Variants in ALK observed in about 807,000 individuals in gnomAD.
The protein encoded by ALK is ALK receptor tyrosine kinase, also known as ALK tyrosine kinase receptor.
In ALK, 74 loss-of-function variants were observed where a neutral mutation model predicts 163.1. The observed-to-expected ratio is 0.45, with a 90% CI of 0.38 to 0.55. ALK has a LOEUF of 0.55. ALK is among the 20% of genes least tolerant of loss of function. ALK has a pLI of 0.00. For synonymous variants in ALK, 960 were observed against 843.2 expected, an observed-to-expected ratio of 1.14 and a Z score of -2.40; for missense variants, 2,063 against 2,105.3, an observed-to-expected ratio of 0.98 and a Z score of 0.39.
At chr2:29,253,847 GATAGATAGAT>G (rs1440488385) in intron 11 of ALK, among the ~76,000 whole-genome samples, 1 of 35,178 alleles carries the variant, frequency 2.8e-5, no homozygotes, top group African/African-American at 1.5e-4. Flanking sequence ...ATCTATATTA[GATAGATAGAT>G]AGATAGATAG....
intron 3 of ALK, among the ~76,000 whole-genome samples, chr2:29,603,766 T>G (rs185151665): frequency 1.3e-5 from 2 of 152,190 alleles, no homozygotes; most frequent in East Asian, 3.8e-4. Context: ...AGGTCAGTGA[T>G]GAAGGATAGA....
intron 4 of ALK, among the ~76,000 whole-genome samples, chr2:29,429,678 T>C (rs1277588033): frequency 2.6e-5 from 4 of 152,100 alleles, no homozygotes. Context: ...AGATTAAATA[T>C]AATCCCTATC....
At chr2:29,594,730 T>C (rs1675155091) in intron 3 of ALK, among the ~76,000 whole-genome samples, 1 of 151,820 alleles carries the variant, frequency 6.6e-6, no homozygotes, top group African/African-American at 2.4e-5. Context: ...CCCAGCCAAG[T>C]CTCCTCACTT....
chr2:29,499,441 C>T (rs1266571510), intron 4 of ALK, among the ~76,000 whole-genome samples: 1 of 152,182 alleles, frequency 6.6e-6, no homozygotes, highest in African/African-American at 2.4e-5. Flanking sequence ...AGTGATCCAC[C>T]TGCCTTGGCC....
rs374091521 is a variant in ALK, at chr2:29,670,531, T to C, written c.952+24319A>G. ...GGGTTGATTCTGGTGTTCATAGACC[T>C]TGGATTTGTATATTTCCCAAGTTTG... is the stretch of plus-strand genomic sequence containing the variant. On this transcript the variant is annotated intron_variant, in intron 3 of 28. Coordinates refer to ENST00000389048, the MANE Select transcript of ALK (RefSeq NM_004304.5). Among the ~76,000 whole-genome samples, 8 of 152,178 alleles carry C rather than the reference T, an allele frequency of 5.3e-5. No homozygotes were observed. The East Asian group carries it at 1.4e-3, about 26-fold the overall frequency.
chr2:29,673,593 G>T (rs1194443544), intron 3 of ALK, among the ~76,000 whole-genome samples: 1 of 142,964 alleles, frequency 7.0e-6, no homozygotes, highest in African/African-American at 2.7e-5. Flanking sequence ...TTGTAGTATA[G>T]TTTGAAGTCA....
At chr2:29,325,631 T>C (rs1358500805) in intron 6 of ALK, among the ~76,000 whole-genome samples, 1 of 152,192 alleles carries the variant, frequency 6.6e-6, no homozygotes, top group Non-Finnish European at 1.5e-5. Flanking sequence ...GAAACAGAGT[T>C]TACCCTGCAG....
At chr2:29,593,020 C>T (rs1675105252) in intron 3 of ALK, among the ~76,000 whole-genome samples, 1 of 152,166 alleles carries the variant, frequency 6.6e-6, no homozygotes, top group South Asian at 2.1e-4. Context: ...TGTGGCAGCC[C>T]TAAGAAACTA....
At chr2:29,208,769 A>G (rs1669382763) in intron 25 of ALK, among the ~76,000 whole-genome samples, 1 of 152,100 alleles carries the variant, frequency 6.6e-6, no homozygotes, top group South Asian at 2.1e-4. Flanking sequence ...TGAGTTAGGG[A>G]AGGGGTCATC....
At chr2:29,640,873 A>G (rs1192836686) in intron 3 of ALK, among the ~76,000 whole-genome samples, 1 of 152,188 alleles carries the variant, frequency 6.6e-6, no homozygotes, top group African/African-American at 2.4e-5. Context: ...AGAAATAGAC[A>G]TTTAAGCTGA....
Position 29,193,278 on chromosome 2 carries a change from A to G in ALK, c.4809T>C (p.His1603=), listed in dbSNP as rs758502850. 24 of 1,614,064 alleles carry G rather than the reference A, an allele frequency of 1.5e-5. No individual in the cohort carries two copies. Among genetic ancestry groups the G allele is most frequent in the Non-Finnish European group, 1.8e-5 (21 of 1,180,036 alleles). Residue 1603 remains histidine (H), a synonymous_variant, in exon 29 of 29, where the codon CAT becomes CAC. Transcript: ENST00000389048. The part of the protein sequence containing the change: ...LEAATAPGAG[H]YEDTILKSKN... ...TGCTTTTCAGAATGGTATCCTCGTA[A>G]TGACCAGCTCCAGGGGCAGTAGCGG...
rs76611062 is a variant in ALK, at chr2:29,835,047, G to A, written c.667+84946C>T. Among the ~76,000 whole-genome samples, 1,306 of 152,308 alleles carry A rather than the reference G, an allele frequency of 8.6e-3. 24 individuals carry two copies. The highest frequency in any genetic ancestry group is 0.028 in the African/African-American group (1,184 of 41,558). ...ATAAAAAGGCAGCAGTCATTCAGGC[G>A]GGGCTGGTGAGTGGGTAAATCAAGT... On this transcript the variant is annotated intron_variant, in intron 1 of 28. Transcript: ENST00000389048.
Position 29,667,353 on chromosome 2 carries a change from T to G in ALK, c.952+27497A>C, listed in dbSNP as rs540185791. ...CTGGCCAGGACCTCCAGTGTTATGT[T>G]AAATAAAACTGGTGAAACTGGGCAT... is the stretch of plus-strand genomic sequence containing the variant. On this transcript the variant is annotated intron_variant, in intron 3 of 28. Transcript: ENST00000389048. Among the ~76,000 whole-genome samples, 65 of 152,264 alleles carry G rather than the reference T, an allele frequency of 4.3e-4. 1 individual carries two copies. Among genetic ancestry groups the G allele is most frequent in the African/African-American group, 1.3e-3 (53 of 41,586 alleles).
intron 4 of ALK, among the ~76,000 whole-genome samples, chr2:29,435,950 A>C (rs1573352128): frequency 6.6e-6 from 1 of 152,202 alleles, no homozygotes; most frequent in East Asian, 1.9e-4. Context: ...CAAAGAAGGC[A>C]CTGTAAGCAC....
chr2:29,655,369 A>G (rs1419187427), intron 3 of ALK, among the ~76,000 whole-genome samples: 1 of 152,214 alleles, frequency 6.6e-6, no homozygotes, highest in Non-Finnish European at 1.5e-5. Flanking sequence ...AAGATGTCCA[A>G]ATAAATAGCA....
chr2:29,715,595 T>C (rs6704999), intron 2 of ALK, among the ~76,000 whole-genome samples: 23,875 of 152,234 alleles, frequency 0.16, 4,072 homozygotes, highest in African/African-American at 0.43. Flanking sequence ...AGGGAACAAA[T>C]ATGTTGCCCT....
intron 1 of ALK, among the ~76,000 whole-genome samples, chr2:29,845,895 C>T (rs971214715): frequency 6.6e-6 from 1 of 152,182 alleles, no homozygotes; most frequent in Non-Finnish European, 1.5e-5. Flanking sequence ...AGTGTCTGTG[C>T]TCCAGTTCAT....
At chr2:29,482,124 C>A (rs1238455993) in intron 4 of ALK, among the ~76,000 whole-genome samples, 1 of 152,138 alleles carries the variant, frequency 6.6e-6, no homozygotes, top group African/African-American at 2.4e-5. Flanking sequence ...TCAAGAAAGG[C>A]CTGGTTTGAG....
rs191863723 is a variant in ALK at position 29,841,954 on chromosome 2, C to G, written c.667+78039G>C. Among the ~76,000 whole-genome samples, 602 of 152,154 alleles carry G rather than the reference C, an allele frequency of 4.0e-3. 2 individuals carry two copies. Among genetic ancestry groups the G allele is most frequent in the Middle Eastern group, 0.014 (4 of 292 alleles). On this transcript the variant is annotated intron_variant, in intron 1 of 28. Transcript: ENST00000389048. ...GTAATGACGTATAGGCTATGCAGGT[C>G]CCTCCTGAAAACTAACGTTCCCTTC...
Sources: allele counts gnomAD v4.1 joint callset (sites outside exome capture counted in the v4.1 genomes callset), GRCh38; gene constraint gnomAD v4.1.1; transcripts MANE v1.5; gene names NCBI Gene and HGNC (gene_info 2026-07-23, HGNC 2026-07-21).